HHIPL1: variants seen among roughly 807,000 people sequenced by gnomAD.
The protein encoded by HHIPL1 is HHIP-like protein 1.
Under a neutral mutation model 61.8 loss-of-function variants are expected in HHIPL1, and 43 were observed. That is an observed-to-expected ratio of 0.70 (90% CI 0.55 to 0.90). The LOEUF is 0.90. Among genes scored for constraint, HHIPL1 ranks in the 40% least tolerant of loss-of-function variants. The probability of loss-of-function intolerance (pLI) is 0.00; values close to 1 mark genes in which losing one functional copy is unlikely to be tolerated. For missense variants in HHIPL1, 1,056 were observed against 1,157.7 expected (o/e 0.91, Z 1.28); for synonymous variants, 482 against 515.8 (o/e 0.93, Z 0.89).
At position 99,652,279 on chromosome 14, in the gene HHIPL1, T is replaced by C. The variant is rs780819477; in HGVS notation, c.311T>C (p.Leu104Pro). 39 of 1,613,666 alleles carry C rather than the reference T, an allele frequency of 2.4e-5. No individual in the cohort carries two copies. The highest frequency in any genetic ancestry group is 2.9e-5 in the Non-Finnish European group (34 of 1,179,988). ...GACGCCGAGGACCCATTCACGCCCC[T>C]GCGCACGGTGCCCGGGCTCTGCCAG... is the stretch of plus-strand genomic sequence containing the variant. ...LYDAEDPFTPLRTVPGLCQDY... is the reference protein window; with the variant it reads ...LYDAEDPFTPPRTVPGLCQDY... The change falls in exon 2 of 9, where the codon CTG (leucine) becomes CCG (proline). Residue 104 changes from leucine (L) to proline (P), a missense_variant. By Grantham distance (98) the Leu-to-Pro change is moderately conservative. Coordinates refer to ENST00000330710, the MANE Select transcript of HHIPL1 (RefSeq NM_001127258.3).
chr14:99,613,274 T>C, the HHIPL1 span, among the ~76,000 whole-genome samples: 1 of 151,976 alleles, frequency 6.6e-6, no homozygotes, highest in Non-Finnish European at 1.5e-5. Flanking sequence ...TTTAGTTTTT[T>C]TTTTTAATAA....
chr14:99,616,294 C>G, the HHIPL1 span, among the ~76,000 whole-genome samples: 10 of 152,202 alleles, frequency 6.6e-5, no homozygotes, highest in Admixed American at 6.5e-4. Flanking sequence ...GCATTGTATG[C>G]TCCATGACAA....
At chr14:99,611,284 C>G in the HHIPL1 span, among the ~76,000 whole-genome samples, 9 of 151,106 alleles carry the variant, frequency 6.0e-5, no homozygotes, top group South Asian at 1.7e-3. Context: ...CAGGCTCTCA[C>G]CACCTGTAAT....
chr14:99,660,842 C>T lies in HHIPL1; in HGVS notation c.1502+436C>T, dbSNP rs2056139516. Among the ~76,000 whole-genome samples the T allele has an allele frequency of 6.6e-6, 1 of 152,176 alleles. No homozygotes were observed. The highest frequency in any genetic ancestry group is 1.5e-5 in the Non-Finnish European group (1 of 68,020). On this transcript the variant is annotated intron_variant, in intron 5 of 8. Transcript: ENST00000330710. The surrounding 1 kb of genome is among the most constrained non-coding windows in gnomAD (Gnocchi z 4.9). ...GCTGATGGGGGCCTGGAGCCCTGCC[C>T]CACCCCACCCCAGCCAGGACTGCAG...
chr14:99,660,201 G>T lies in HHIPL1; in HGVS notation c.1376-79G>T. The T allele has an allele frequency of 6.4e-7, 1 of 1,574,774 alleles. No individual in the cohort carries two copies. ...CCTCCGTGGCCGCCCCACCCCCGCG[G>T]AATCCCTCCGGAATTCTCCTGGCTG... is the stretch of plus-strand genomic sequence containing the variant. On this transcript the variant is annotated intron_variant, in intron 4 of 8. Coordinates refer to ENST00000330710, the MANE Select transcript of HHIPL1 (RefSeq NM_001127258.3). This position sits in a 1 kb window ranked among gnomAD's most constrained non-coding sequence, Gnocchi z 4.9.
chr14:99,673,407 G>A (rs915859033), intron 8 of HHIPL1, among the ~76,000 whole-genome samples: 16 of 150,276 alleles, frequency 1.1e-4, no homozygotes, highest in African/African-American at 3.7e-4. Flanking sequence ...TGGCTGGGAC[G>A]GACAGAGATG....
At chr14:99,651,571 G>A (rs1006931339) in intron 1 of HHIPL1, among the ~76,000 whole-genome samples, 18 of 152,262 alleles carry the variant, frequency 1.2e-4, no homozygotes, top group South Asian at 2.1e-4. Context: ...ACTCCGCCCC[G>A]TGATCCAGTC....
the HHIPL1 span, among the ~76,000 whole-genome samples, chr14:99,626,791 G>T: frequency 2.0e-5 from 3 of 152,172 alleles, no homozygotes; most frequent in Non-Finnish European, 2.9e-5. Flanking sequence ...CCCAGCTCAG[G>T]TCTTCTGAAA....
Position 99,660,790 on chromosome 14 carries a change from G to A in HHIPL1, c.1502+384G>A, listed in dbSNP as rs2056138976. On this transcript the variant is annotated intron_variant, in intron 5 of 8. Coordinates refer to ENST00000330710, the MANE Select transcript of HHIPL1 (RefSeq NM_001127258.3). The surrounding 1 kb of genome is among the most constrained non-coding windows in gnomAD (Gnocchi z 4.9). ...GACACTCAGGGCCACCCTGCTCCTG[G>A]GGAAGCCACAGCTTGTCACTGCAAC... 6.6e-6 allele frequency among the ~76,000 whole-genome samples: 1 copy of A among 152,192 alleles called. No individual in the cohort carries two copies. The highest frequency in any genetic ancestry group is 1.5e-5 in the Non-Finnish European group (1 of 68,026).
the HHIPL1 span, among the ~76,000 whole-genome samples, chr14:99,636,072 C>T: frequency 1.4e-3 from 211 of 152,264 alleles, no homozygotes; most frequent in African/African-American, 4.7e-3. Flanking sequence ...GGGTTCAAAT[C>T]CGGACCCCTC....
At chr14:99,628,192 G>A in the HHIPL1 span, among the ~76,000 whole-genome samples, 2 of 152,218 alleles carry the variant, frequency 1.3e-5, no homozygotes, top group African/African-American at 4.8e-5. Context: ...GCATGGCAAA[G>A]GGCCCAGATG....
intron 6 of HHIPL1, among the ~76,000 whole-genome samples, chr14:99,666,788 G>A (rs1428815333): frequency 7.2e-5 from 11 of 152,196 alleles, no homozygotes; most frequent in Admixed American, 7.2e-4. Flanking sequence ...CACCATGTGT[G>A]CCTACAGCTC....
chr14:99,623,464 A>G, the HHIPL1 span, among the ~76,000 whole-genome samples: 1 of 152,170 alleles, frequency 6.6e-6, no homozygotes, highest in East Asian at 1.9e-4. Context: ...CCCAGGCTGG[A>G]GTGCAGTGGT....
chr14:99,644,190 C>G (rs968969858), upstream of HHIPL1, among the ~76,000 whole-genome samples: 1 of 152,122 alleles, frequency 6.6e-6, no homozygotes, highest in East Asian at 1.9e-4. Flanking sequence ...GAAACATGAT[C>G]CCCCAGGACA....
chr14:99,670,394 G>C (rs2056314769), intron 7 of HHIPL1, among the ~76,000 whole-genome samples: 1 of 152,132 alleles, frequency 6.6e-6, no homozygotes, highest in African/African-American at 2.4e-5. Context: ...TTACGGGTGT[G>C]AGCCCCCACG....
intron 2 of HHIPL1, among the ~76,000 whole-genome samples, chr14:99,656,690 C>T (rs530858005): frequency 6.6e-6 from 1 of 150,934 alleles, no homozygotes; most frequent in East Asian, 1.9e-4. Context: ...GCTGGAGAAT[C>T]GCTTGAACTT....
intron 2 of HHIPL1, among the ~76,000 whole-genome samples, chr14:99,656,046 G>T (rs1368169143): frequency 2.6e-5 from 4 of 152,230 alleles, no homozygotes; most frequent in Non-Finnish European, 5.9e-5. Flanking sequence ...TAGGTTTCCT[G>T]CAATGGCAGT....
the HHIPL1 span, among the ~76,000 whole-genome samples, chr14:99,627,532 A>G: frequency 2.0e-5 from 3 of 152,200 alleles, no homozygotes; most frequent in Non-Finnish European, 4.4e-5. This position sits in a 1 kb window ranked among gnomAD's most constrained non-coding sequence, Gnocchi z 4.4. Flanking sequence ...GGTGCCAGGG[A>G]TGAATGAGGA....
chr14:99,638,343 G>A, the HHIPL1 span, among the ~76,000 whole-genome samples: 7 of 152,306 alleles, frequency 4.6e-5, no homozygotes, highest in South Asian at 2.1e-4. Context: ...GGGGACAGGC[G>A]GCCTGTCGGG....
Sources: gnomAD v4.1 joint callset for allele counts (sites outside exome capture counted in the v4.1 genomes callset) on GRCh38, gnomAD v4.1.1 for gene constraint, Gnocchi (gnomAD v3.1) non-coding constraint, MANE v1.5 for transcripts, NCBI Gene and HGNC (gene_info 2026-07-23, HGNC 2026-07-21) for gene names.